The following ADGRL2 variants were observed in gnomAD, a reference collection of about 807,000 sequenced individuals.
The protein encoded by ADGRL2 is adhesion G protein-coupled receptor L2.
In ADGRL2, 44 loss-of-function variants were observed where a neutral mutation model predicts 157.4. The observed-to-expected ratio is 0.28, with a 90% CI of 0.22 to 0.36. The LOEUF (loss-of-function observed/expected upper bound fraction) is 0.36. Among genes scored for constraint, ADGRL2 ranks in the 10% least tolerant of loss-of-function variants. The pLI, the probability that ADGRL2 is intolerant of heterozygous loss-of-function variation, is 1.00. For missense variants in ADGRL2, 1,510 were observed against 1,768.9 expected (o/e 0.85, Z 2.63); for synonymous variants, 585 against 624.7 (o/e 0.94, Z 0.95).
intron 2 of ADGRL2, among the ~76,000 whole-genome samples, chr1:81,838,004 T>C (rs1282761602): frequency 6.6e-6 from 1 of 151,980 alleles, no homozygotes; most frequent in Non-Finnish European, 1.5e-5. Flanking sequence ...ATTCCAATTC[T>C]TGAAAAAATG....
At chr1:81,404,505 T>C (rs983822371) in intron 1 of ADGRL2, among the ~76,000 whole-genome samples, 1 of 152,154 alleles carries the variant, frequency 6.6e-6, no homozygotes, top group African/African-American at 2.4e-5. Flanking sequence ...AAGGATGCTA[T>C]TGGGCCAAGG....
At chr1:81,463,114 CAAAA>C (rs56920139) in intron 2 of ADGRL2, among the ~76,000 whole-genome samples, 1,055 of 93,764 alleles carry the variant, frequency 0.011, 16 homozygotes, top group East Asian at 0.067. Context: ...GACCATGTCT[CAAAA>C]AAAAAAAAAA....
chr1:81,640,247 T>C lies in ADGRL2; in HGVS notation c.-143+59267T>C, dbSNP rs143487655. Among the ~76,000 whole-genome samples the C allele has an allele frequency of 2.6e-3, 390 of 152,214 alleles. 3 individuals carry two copies. The highest frequency in any genetic ancestry group is 9.1e-3 in the African/African-American group (379 of 41,524). ...CCTATAAATGGCAAAATGATGGTAA[T>C]TGAGAGTAGTCCTGATGCCCTAAAT... On this transcript the variant is annotated intron_variant, in intron 3 of 24. Coordinates refer to the ADGRL2 transcript ENST00000370721.
At chr1:81,443,372 G>A (rs767587048) in intron 1 of ADGRL2, among the ~76,000 whole-genome samples, 1 of 151,846 alleles carries the variant, frequency 6.6e-6, no homozygotes, top group Non-Finnish European at 1.5e-5. Flanking sequence ...CAACCCAGGA[G>A]GCAGAGGTGA....
chr1:81,369,175 A>T (rs1304235186), intron 1 of ADGRL2, among the ~76,000 whole-genome samples: 1 of 152,126 alleles, frequency 6.6e-6, no homozygotes, highest in Non-Finnish European at 1.5e-5. Flanking sequence ...GCAGAGACAG[A>T]GACACACACA....
At chr1:81,433,986 T>G (rs528082708) in intron 1 of ADGRL2, among the ~76,000 whole-genome samples, 2 of 152,314 alleles carry the variant, frequency 1.3e-5, no homozygotes, top group Admixed American at 1.3e-4. Context: ...CATGGAAGCC[T>G]TAGTCTGACT....
intron 2 of ADGRL2, among the ~76,000 whole-genome samples, chr1:81,478,177 AG>A (rs1258619036): frequency 6.6e-6 from 1 of 152,122 alleles, no homozygotes; most frequent in Non-Finnish European, 1.5e-5. Context: ...AATAGGAGCA[AG>A]GGGCAGGAGG....
intron 3 of ADGRL2, among the ~76,000 whole-genome samples, chr1:81,650,083 G>GA (rs2082384882): frequency 6.6e-6 from 1 of 150,720 alleles, no homozygotes; most frequent in East Asian, 1.9e-4. Flanking sequence ...TCACATCCCT[G>GA]AAGGGAATTT....
At chr1:81,408,182 A>G (rs2076887575) in intron 1 of ADGRL2, among the ~76,000 whole-genome samples, 1 of 152,218 alleles carries the variant, frequency 6.6e-6, no homozygotes. Flanking sequence ...TCAGGACCAC[A>G]CATTGCTCAT....
intron 11 of ADGRL2, among the ~76,000 whole-genome samples, chr1:81,965,664 A>G (rs1200170364): frequency 6.6e-6 from 1 of 152,226 alleles, no homozygotes. Flanking sequence ...TTGAAAAGTT[A>G]CTTAATATAA....
At chr1:81,958,884 A>G (rs896012356) in intron 11 of ADGRL2, among the ~76,000 whole-genome samples, 4 of 152,208 alleles carry the variant, frequency 2.6e-5, no homozygotes, top group African/African-American at 9.6e-5. Context: ...ATGGAATCAT[A>G]TAGTATGTAG....
chr1:81,967,968 T>C, intron 13 of ADGRL2, 58 bp from the exon 14 acceptor site: 4 of 1,347,268 alleles, frequency 3.0e-6, no homozygotes, highest in Non-Finnish European at 4.3e-6. Flanking sequence ...ATTAAACAAT[T>C]GCTGTTGCCA....
Position 81,990,756 on chromosome 1 carries a change from C to T in ADGRL2, c.4021C>T (p.Arg1341Trp), listed in dbSNP as rs754550411. 17 of 1,614,078 alleles carry T rather than the reference C, an allele frequency of 1.1e-5. No individual in the cohort carries two copies. Among genetic ancestry groups the T allele is most frequent in the African/African-American group, 2.7e-5 (2 of 75,008 alleles). Reference sequence around the variant, plus strand: ...ACTCGAGGCACCACTTATTCCTCAGCGGACTCACTCCCTTCTGTACCAACC... The same window carrying T: ...ACTCGAGGCACCACTTATTCCTCAGTGGACTCACTCCCTTCTGTACCAACC... ...KELEAPLIPQ[R>W]THSLLYQPQK... The change falls in exon 24 of 24, where the codon CGG (arginine) becomes TGG (tryptophan). Residue 1341 changes from arginine (R) to tryptophan (W), a missense_variant. Physicochemically the swap from Arg to Trp is moderately radical, Grantham distance 101 (BLOSUM62 -3). Transcript: ENST00000686636.
intron 3 of ADGRL2, among the ~76,000 whole-genome samples, chr1:81,680,446 A>T (rs2083086985): frequency 6.6e-6 from 1 of 152,190 alleles, no homozygotes; most frequent in Non-Finnish European, 1.5e-5. Context: ...TGAAACCGGA[A>T]TGTCGGCTTA....
At chr1:81,611,114 G>C (rs968748444) in intron 3 of ADGRL2, among the ~76,000 whole-genome samples, 1 of 152,144 alleles carries the variant, frequency 6.6e-6, no homozygotes, top group African/African-American at 2.4e-5. Flanking sequence ...ATGCCTTTCA[G>C]CAGTTCTGCA....
At position 81,466,882 on chromosome 1, in the gene ADGRL2, T is replaced by A. The variant is rs377489613; in HGVS notation, c.-248+21793T>A. On this transcript the variant is annotated intron_variant, in intron 2 of 24. Transcript: ENST00000370721. ...CATAAGTAATAGAAATCAATTATTGTATATTCCCAGGCCTGTTCTTATAAA... is the reference window on the plus strand; with the variant it reads ...CATAAGTAATAGAAATCAATTATTGAATATTCCCAGGCCTGTTCTTATAAA... 6.6e-5 allele frequency among the ~76,000 whole-genome samples: 10 copies of A among 152,262 alleles called. No homozygotes were observed. In the East Asian group the frequency reaches 1.2e-3, roughly 18 times the overall value.
intron 1 of ADGRL2, among the ~76,000 whole-genome samples, chr1:81,342,584 T>G (rs904891985): frequency 6.6e-6 from 1 of 152,214 alleles, no homozygotes; most frequent in Non-Finnish European, 1.5e-5. Context: ...GGAATTCAAA[T>G]TTACTTTGGT....
intron 2 of ADGRL2, among the ~76,000 whole-genome samples, chr1:81,781,913 T>C (rs1557646585): frequency 6.6e-6 from 1 of 152,294 alleles, no homozygotes; most frequent in East Asian, 1.9e-4. Flanking sequence ...CTCTCCCACT[T>C]GTAGAACCAA....
At position 81,991,835 on chromosome 1, in the gene ADGRL2, T is replaced by C. The variant is rs987835921; in HGVS notation, c.*690T>C. The stretch of plus-strand genomic sequence containing the variant: ...AACTGAAATATAATTGTCATTAAAA[T>C]AATTTTAAAGAGTGAAGAAAATATT... On this transcript the variant is annotated 3_prime_UTR_variant, in exon 24 of 24. Coordinates refer to ENST00000686636, the MANE Select transcript of ADGRL2 (RefSeq NM_001366006.2). 1.3e-5 allele frequency: 2 copies of C among 152,790 alleles called. No homozygotes were observed. Among genetic ancestry groups the C allele is most frequent in the Middle Eastern group, 3.4e-3 (1 of 294 alleles). The allele number at this position is 152,790 out of a possible 1,614,324, so 9.5% of individuals were successfully genotyped here.
Sources: allele counts gnomAD v4.1 joint callset (sites outside exome capture counted in the v4.1 genomes callset), GRCh38; gene constraint gnomAD v4.1.1; transcripts MANE v1.5; gene names NCBI Gene and HGNC (gene_info 2026-07-23, HGNC 2026-07-21).